Variants in TMOD1 observed in about 807,000 individuals in gnomAD.
The protein encoded by TMOD1 is tropomodulin-1.
Under a neutral mutation model 40.6 loss-of-function variants are expected in TMOD1, and 17 were observed. The ratio of observed to expected loss-of-function variants is 0.42; its 90% CI spans 0.29 to 0.63. The LOEUF is 0.63. Among genes scored for constraint, TMOD1 ranks in the 20% least tolerant of loss-of-function variants. The pLI is 0.22. For synonymous variants in TMOD1, 181 were observed against 175.0 expected (o/e 1.03, Z -0.27); for missense variants, 391 against 447.6 (o/e 0.87, Z 1.14).
At chr9:97,536,586 G>A (rs1399780032) in intron 2 of TMOD1, among the ~76,000 whole-genome samples, 1 of 152,104 alleles carries the variant, frequency 6.6e-6, no homozygotes, top group Non-Finnish European at 1.5e-5. Flanking sequence ...TGGCTCTCAC[G>A]TGCGGCCACA....
Position 97,502,271 on chromosome 9 carries a change from C to T in TMOD1, c.-49+468C>T, listed in dbSNP as rs1220658067. ...CGGCCTCTTCTCCGCCTGCAAGAGT[C>T]TGGGGGTGGGAGTGGGGGAGTAAAG... On this transcript the variant is annotated intron_variant, in intron 1 of 9. Coordinates refer to ENST00000259365, the MANE Select transcript of TMOD1 (RefSeq NM_003275.4). This position sits in a 1 kb window ranked among gnomAD's most constrained non-coding sequence, Gnocchi z 6.1. Among the ~76,000 whole-genome samples, 2 of 152,140 alleles carry T rather than the reference C, an allele frequency of 1.3e-5. No individual in the cohort carries two copies. Among genetic ancestry groups the T allele is most frequent in the African/African-American group, 4.8e-5 (2 of 41,438 alleles).
chr9:97,502,329 G>A lies in TMOD1; in HGVS notation c.-49+526G>A, dbSNP rs901289467. 1.3e-5 allele frequency among the ~76,000 whole-genome samples: 2 copies of A among 152,192 alleles called. No individual in the cohort carries two copies. Among genetic ancestry groups the A allele is most frequent in the East Asian group, 3.9e-4 (2 of 5,160 alleles). ...TGGACGTGGATCCCAGGTTCGCGCT[G>A]AGAGTGTTTGGGGCAGGTGAAGTTT... On this transcript the variant is annotated intron_variant, in intron 1 of 9. Coordinates refer to ENST00000259365, the MANE Select transcript of TMOD1 (RefSeq NM_003275.4). The surrounding 1 kb of genome is among the most constrained non-coding windows in gnomAD (Gnocchi z 6.1).
chr9:97,566,973 G>C (rs1830738875), intron 7 of TMOD1, among the ~76,000 whole-genome samples: 1 of 152,240 alleles, frequency 6.6e-6, no homozygotes, highest in Non-Finnish European at 1.5e-5. Context: ...TAACAGTACA[G>C]TGCAATTACT....
At position 97,600,398 on chromosome 9, in the gene TMOD1, A is replaced by G. The variant is rs1358845256; in HGVS notation, c.*700A>G. ...ATCCCAGGCAACAAACATGTCCCTG[A>G]GTGTTCTTTAAGAACATTTGGGATT... On this transcript the variant is annotated 3_prime_UTR_variant, in exon 10 of 10. Coordinates refer to ENST00000259365, the MANE Select transcript of TMOD1 (RefSeq NM_003275.4). 2.0e-6 allele frequency: 2 copies of G among 985,834 alleles called. No individual in the cohort carries two copies. Among genetic ancestry groups the G allele is most frequent in the African/African-American group, 3.5e-5 (2 of 57,254 alleles). The allele number at this position is 985,834 out of a possible 1,614,324, so 61.1% of individuals were successfully genotyped here. A position where few individuals can be genotyped will look rare whatever the true frequency, so the allele number is the denominator to read the frequency against.
At chr9:97,511,631 C>T (rs533793485) in intron 1 of TMOD1, among the ~76,000 whole-genome samples, 12 of 152,270 alleles carry the variant, frequency 7.9e-5, no homozygotes, top group African/African-American at 2.4e-4. Context: ...GTCACCCAGG[C>T]TGGAGTACAG....
chr9:97,539,939 T>C (rs1286617161), intron 2 of TMOD1, among the ~76,000 whole-genome samples: 1 of 120,272 alleles, frequency 8.3e-6, no homozygotes, highest in Admixed American at 1.1e-4. Context: ...GCCACTGCAC[T>C]CCAGCCTGGG....
At chr9:97,566,042 C>A in intron 7 of TMOD1, 87 bp downstream of exon 7, 1 of 1,173,838 alleles carries the variant, frequency 8.5e-7, no homozygotes, top group Non-Finnish European at 1.3e-6. Flanking sequence ...TGGTTGTATC[C>A]CACTAACAAA....
intron 8 of TMOD1, among the ~76,000 whole-genome samples, chr9:97,578,913 A>T (rs1348514932): frequency 6.6e-6 from 1 of 151,778 alleles, no homozygotes; most frequent in East Asian, 2.0e-4. Context: ...AGGAGAGGCC[A>T]GGGTTCCTGC....
Position 97,565,952 on chromosome 9 carries a change from G to A in TMOD1, c.723G>A (p.Ala241=), listed in dbSNP as rs142987399. 133 of 1,613,268 alleles carry A rather than the reference G, an allele frequency of 8.2e-5. No homozygotes were observed. In the African/African-American group the frequency reaches 9.5e-4, roughly 11 times the overall value. ...GGACACGGAGTAATGACCCCGTGGC[G>A]TATGTATGTACCTTTCTGTTCTGTT... ...IVGTRSNDPV[A]YALAEMLKEN... Residue 241 remains alanine (A), a synonymous_variant, in exon 7 of 10, where the codon GCG becomes GCA. Coordinates refer to ENST00000259365, the MANE Select transcript of TMOD1 (RefSeq NM_003275.4).
chr9:97,564,886 C>A (rs1397109408), intron 6 of TMOD1, among the ~76,000 whole-genome samples: 1 of 152,118 alleles, frequency 6.6e-6, no homozygotes, highest in African/African-American at 2.4e-5. Flanking sequence ...TAGAAGCCAG[C>A]CCCCCATGCC....
At position 97,546,168 on chromosome 9, in the gene TMOD1, C is replaced by G. The variant is rs371683127; in HGVS notation, c.121-17C>G. On this transcript the variant is annotated splice_polypyrimidine_tract_variant and intron_variant, in intron 2 of 9. Transcript: ENST00000259365. The stretch of plus-strand genomic sequence containing the variant: ...TCTCTTTCTCTCTCTCCTGCCCCCC[C>G]ACAACCTCCAATGTAGAATGCACTG... 1.6e-5 allele frequency: 26 copies of G among 1,595,426 alleles called. No homozygotes were observed. Among genetic ancestry groups the G allele is most frequent in the African/African-American group, 9.5e-5 (7 of 73,906 alleles).
intron 9 of TMOD1, among the ~76,000 whole-genome samples, chr9:97,592,648 C>T (rs1348052091): frequency 6.6e-6 from 1 of 152,170 alleles, no homozygotes; most frequent in Non-Finnish European, 1.5e-5. Flanking sequence ...CCTGGAAGCC[C>T]TCGAAGAACA....
Position 97,524,234 on chromosome 9 carries a change from G to A in TMOD1, c.46G>A (p.Asp16Asn), listed in dbSNP as rs1265194606. ...ELEKYRDLDE[D>N]EILGALTEEE... The stretch of plus-strand genomic sequence containing the variant: ...AGAGAAATACCGTGACCTGGATGAA[G>A]ATGAAATCCTTGGAGCCCTAACAGA... The change falls in exon 2 of 10, where the codon GAT (aspartate) becomes AAT (asparagine). Residue 16 changes from aspartate (D) to asparagine (N), a missense_variant. By Grantham distance (23) the Asp-to-Asn change is conservative. Coordinates refer to ENST00000259365, the MANE Select transcript of TMOD1 (RefSeq NM_003275.4). The A allele has an allele frequency of 1.9e-6, 3 of 1,614,212 alleles. No homozygotes were observed. The highest frequency in any genetic ancestry group is 2.5e-6 in the Non-Finnish European group (3 of 1,180,036).
chr9:97,569,046 G>T lies in TMOD1; in HGVS notation c.870+9G>T. On this transcript the variant is annotated intron_variant, in intron 8 of 9. Transcript: ENST00000259365. ...TGAAAATTGACAACCAGGTGAGATG[G>T]GCAACGGTCTCCTCAGGTCTGTTAC... 1 of 1,613,926 alleles carries T rather than the reference G, an allele frequency of 6.2e-7. No individual in the cohort carries two copies. The highest frequency in any genetic ancestry group is 1.1e-5 in the South Asian group (1 of 91,052).
At chr9:97,516,702 A>C (rs922551758) in intron 1 of TMOD1, 1 of 152,298 alleles carries the variant, frequency 6.6e-6, no homozygotes, top group African/African-American at 2.4e-5. Context: ...AGATCCAAGG[A>C]TGTTAAAGAG....
At chr9:97,573,494 TG>T (rs1466455508) in intron 8 of TMOD1, among the ~76,000 whole-genome samples, 1 of 152,232 alleles carries the variant, frequency 6.6e-6, no homozygotes, top group Non-Finnish European at 1.5e-5. Context: ...ATCAGTTTTT[TG>T]TAGCTGTGTA....
At chr9:97,591,466 G>T in intron 9 of TMOD1, 31 bp downstream of exon 9, 1 of 1,607,270 alleles carries the variant, frequency 6.2e-7, no homozygotes, top group Non-Finnish European at 8.5e-7. Context: ...TGCCCTGCCC[G>T]CAGTCCTGTT....
intron 3 of TMOD1, 83 bp downstream of exon 3, chr9:97,546,424 T>C (rs1199742421): frequency 6.9e-7 from 1 of 1,443,284 alleles, no homozygotes; most frequent in South Asian, 1.3e-5. Flanking sequence ...TGCCAGGCCC[T>C]GTGTTGGGCC....
At chr9:97,578,329 A>G (rs1563996848) in intron 8 of TMOD1, among the ~76,000 whole-genome samples, 1 of 152,334 alleles carries the variant, frequency 6.6e-6, no homozygotes, top group East Asian at 1.9e-4. Flanking sequence ...CTGGGATTAC[A>G]GGCGTGAGCC....
Sources: allele counts gnomAD v4.1 joint callset (sites outside exome capture counted in the v4.1 genomes callset), GRCh38; gene constraint gnomAD v4.1.1; non-coding constraint Gnocchi (gnomAD v3.1); transcripts MANE v1.5; gene names NCBI Gene and HGNC (gene_info 2026-07-23, HGNC 2026-07-21).